Variants in IL1R1 observed in about 807,000 individuals in gnomAD.
The protein encoded by IL1R1 is interleukin-1 receptor type 1.
In IL1R1, 22 loss-of-function variants were observed where a neutral mutation model predicts 50.2. The ratio of observed to expected loss-of-function variants is 0.44; its 90% CI spans 0.31 to 0.63. The LOEUF (loss-of-function observed/expected upper bound fraction) is 0.63. Among genes scored for constraint, IL1R1 ranks in the 20% least tolerant of loss-of-function variants. The pLI, the probability that IL1R1 is intolerant of heterozygous loss-of-function variation, is 0.07. For synonymous variants in IL1R1, 251 were observed against 236.7 expected, an observed-to-expected ratio of 1.06 and a Z score of -0.55; for missense variants, 509 against 676.2, an observed-to-expected ratio of 0.75 and a Z score of 2.74.
intron 7 of IL1R1, among the ~76,000 whole-genome samples, chr2:102,171,415 A>G (rs1326858193): frequency 6.6e-6 from 1 of 152,220 alleles, no homozygotes; most frequent in African/African-American, 2.4e-5. Context: ...TTAAAATATT[A>G]ATCATAATAG....
chr2:102,138,168 T>A (rs1682447060), upstream of IL1R1, among the ~76,000 whole-genome samples: 1 of 152,156 alleles, frequency 6.6e-6, no homozygotes, highest in Non-Finnish European at 1.5e-5. Context: ...TCAAATTTTA[T>A]GTGTTAAAGC....
intron 2 of IL1R1, 78 bp from the exon 3 acceptor site, chr2:102,157,641 G>C: frequency 1.2e-6 from 1 of 864,626 alleles, no homozygotes; most frequent in South Asian, 1.4e-5. Context: ...GGCCGGTGTT[G>C]GTATATTTAG....
chr2:102,079,192 C>T (rs1436061304), intron 1 of IL1R1, among the ~76,000 whole-genome samples: 1 of 152,156 alleles, frequency 6.6e-6, no homozygotes, highest in African/African-American at 2.4e-5. Flanking sequence ...GTAGCTTTCC[C>T]TCTGTGATCA....
chr2:102,148,005 T>C (rs1683306487), intron 1 of IL1R1, among the ~76,000 whole-genome samples: 1 of 152,232 alleles, frequency 6.6e-6, no homozygotes, highest in Non-Finnish European at 1.5e-5. Flanking sequence ...GGCTTGGTGT[T>C]TCCTGGGCTT....
intron 1 of IL1R1, among the ~76,000 whole-genome samples, chr2:102,076,491 G>A (rs980629070): frequency 1.3e-5 from 2 of 152,144 alleles, no homozygotes; most frequent in African/African-American, 4.8e-5. Context: ...TTCTTATAGT[G>A]CAGGTCTGCT....
In IL1R1 at chr2:102,175,652, G is replaced by T; in HGVS notation, c.1303+7G>T. 1.9e-6 allele frequency: 3 copies of T among 1,612,766 alleles called. No individual in the cohort carries two copies. The highest frequency in any genetic ancestry group is 1.3e-5 in the African/African-American group (1 of 75,018). On this transcript the variant is annotated splice_region_variant and intron_variant, in intron 11 of 11. Coordinates refer to ENST00000410023, the MANE Select transcript of IL1R1 (RefSeq NM_000877.4). The stretch of plus-strand genomic sequence containing the variant: ...GATGACTACGTTGGGGAAGGTATGT[G>T]TGTAATGGAACAGAGTAAAGGCTTA...
chr2:102,072,466 C>T (rs1678774643), intron 1 of IL1R1, among the ~76,000 whole-genome samples: 1 of 152,166 alleles, frequency 6.6e-6, no homozygotes, highest in Non-Finnish European at 1.5e-5. Flanking sequence ...ACCTCACTTA[C>T]TGGAATATTA....
chr2:102,109,201 G>A (rs1384939226), intron 1 of IL1R1, among the ~76,000 whole-genome samples: 1 of 152,046 alleles, frequency 6.6e-6, no homozygotes, highest in Non-Finnish European at 1.5e-5. Context: ...AGGGTAGGTC[G>A]GACTGAACTT....
intron 3 of IL1R1, among the ~76,000 whole-genome samples, chr2:102,162,277 A>G (rs139459989): frequency 9.5e-4 from 145 of 152,198 alleles, no homozygotes; most frequent in Non-Finnish European, 1.2e-3. Context: ...ACCTTTATTT[A>G]TAAAATGTCT....
At chr2:102,114,812 G>A (rs537613076) in intron 1 of IL1R1, among the ~76,000 whole-genome samples, 1 of 151,472 alleles carries the variant, frequency 6.6e-6, no homozygotes, top group Non-Finnish European at 1.5e-5. Flanking sequence ...CTTTGGATTG[G>A]AAGTAGAGGC....
chr2:102,124,715 T>TG (rs1387584659), intron 1 of IL1R1, among the ~76,000 whole-genome samples: 1 of 151,762 alleles, frequency 6.6e-6, no homozygotes, highest in African/African-American at 2.4e-5. Context: ...GTCAGGAGTT[T>TG]GGGACCAGCC....
chr2:102,150,003 A>G (rs976362129), intron 1 of IL1R1, among the ~76,000 whole-genome samples: 2 of 152,072 alleles, frequency 1.3e-5, no homozygotes, highest in Non-Finnish European at 2.9e-5. Context: ...TTCTGATACT[A>G]TCTGGGGTGC....
chr2:102,115,973 A>G (rs991321661), intron 1 of IL1R1, among the ~76,000 whole-genome samples: 1 of 152,172 alleles, frequency 6.6e-6, no homozygotes, highest in African/African-American at 2.4e-5. Flanking sequence ...TTGACATCCA[A>G]CCTTGCAGCA....
At chr2:102,074,183 T>G (rs562793071) in intron 1 of IL1R1, among the ~76,000 whole-genome samples, 1 of 152,358 alleles carries the variant, frequency 6.6e-6, no homozygotes, top group Admixed American at 6.5e-5. Context: ...GCTGTGTAAC[T>G]ACCTCTTCCC....
intron 1 of IL1R1, among the ~76,000 whole-genome samples, chr2:102,133,062 G>T (rs897818139): frequency 2.6e-5 from 4 of 151,772 alleles, no homozygotes; most frequent in Non-Finnish European, 5.9e-5. Context: ...GGCTAACACG[G>T]TGAAACCCCA....
intron 1 of IL1R1, among the ~76,000 whole-genome samples, chr2:102,093,895 C>A (rs992153): frequency 1.3e-5 from 2 of 151,948 alleles, no homozygotes; most frequent in African/African-American, 4.8e-5. Context: ...GGCATCCCCG[C>A]GGGACCAGTC....
chr2:102,159,520 T>A (rs1684509005), intron 3 of IL1R1, among the ~76,000 whole-genome samples: 1 of 152,216 alleles, frequency 6.6e-6, no homozygotes, highest in African/African-American at 2.4e-5. Flanking sequence ...CCCACCCTTC[T>A]GGGTTCCCCA....
At chr2:102,125,943 T>G (rs2104403915) in intron 1 of IL1R1, among the ~76,000 whole-genome samples, 1 of 152,296 alleles carries the variant, frequency 6.6e-6, no homozygotes. Flanking sequence ...CAAGAGTGAA[T>G]GAGTAGACAA....
chr2:102,078,886 A>G (rs1419700886), intron 1 of IL1R1, among the ~76,000 whole-genome samples: 2 of 152,170 alleles, frequency 1.3e-5, no homozygotes, highest in African/African-American at 4.8e-5. Flanking sequence ...AAAGAATCAT[A>G]TGCCATGACC....
Sources: allele counts gnomAD v4.1 joint callset (sites outside exome capture counted in the v4.1 genomes callset), GRCh38; gene constraint gnomAD v4.1.1; transcripts MANE v1.5; gene names NCBI Gene and HGNC (gene_info 2026-07-23, HGNC 2026-07-21).